The following CDH13 variants were observed in gnomAD, a reference collection of about 807,000 sequenced individuals.
The protein encoded by CDH13 is cadherin-13.
In CDH13, 24 loss-of-function variants were observed where a neutral mutation model predicts 63.8. The observed-to-expected ratio is 0.38, with a 90% CI of 0.27 to 0.53. The LOEUF (loss-of-function observed/expected upper bound fraction) is 0.53. Among genes scored for constraint, CDH13 ranks in the 20% least tolerant of loss-of-function variants. CDH13 has a pLI of 0.85. For synonymous variants in CDH13, 503 were observed against 355.3 expected, an observed-to-expected ratio of 1.42 and a Z score of -4.67; for missense variants, 1,049 against 903.1, an observed-to-expected ratio of 1.16 and a Z score of -2.07.
At chr16:83,175,988 C>T (rs1162757214) in intron 4 of CDH13, among the ~76,000 whole-genome samples, 1 of 151,540 alleles carries the variant, frequency 6.6e-6, no homozygotes, top group Non-Finnish European at 1.5e-5. Context: ...GCCACAATGC[C>T]TGGCTAATTT....
chr16:82,976,709 T>C (rs1288259192), intron 2 of CDH13, among the ~76,000 whole-genome samples: 3 of 152,134 alleles, frequency 2.0e-5, no homozygotes, highest in African/African-American at 7.2e-5. Context: ...AATAGGGCTG[T>C]TGAGTTTCTT....
chr16:83,430,882 A>C (rs1052106607), intron 6 of CDH13, among the ~76,000 whole-genome samples: 1 of 151,942 alleles, frequency 6.6e-6, no homozygotes, highest in East Asian at 1.9e-4. Flanking sequence ...TTAGTTACAT[A>C]TGTATGCATG....
At chr16:83,288,589 C>T (rs1385446357) in intron 5 of CDH13, among the ~76,000 whole-genome samples, 3 of 152,210 alleles carry the variant, frequency 2.0e-5, no homozygotes, top group African/African-American at 7.2e-5. Context: ...CAGGCAGGAC[C>T]TCTCTGCGGT....
intron 1 of CDH13, among the ~76,000 whole-genome samples, chr16:82,850,061 CA>C (rs1378910630): frequency 6.6e-6 from 1 of 152,140 alleles, no homozygotes; most frequent in Admixed American, 6.5e-5. Flanking sequence ...CCCGTGAATC[CA>C]GAAGAAATAT....
rs571381420 is a variant in CDH13 at position 82,872,814 on chromosome 16, G to C, written c.157+14341G>C. Among the ~76,000 whole-genome samples, 13 of 152,294 alleles carry C rather than the reference G, an allele frequency of 8.5e-5. No individual in the cohort carries two copies. The East Asian group carries it at 2.3e-3, about 27-fold the overall frequency. ...ATATTGAGTCCCTACCACTCATTTA[G>C]CCAACTATAGAAGAAACACTGAATG... On this transcript the variant is annotated intron_variant, in intron 2 of 13. Coordinates refer to ENST00000567109, the MANE Select transcript of CDH13 (RefSeq NM_001257.5).
intron 8 of CDH13, among the ~76,000 whole-genome samples, chr16:83,662,948 T>G (rs1229071652): frequency 4.6e-5 from 7 of 152,204 alleles, no homozygotes; most frequent in Admixed American, 4.6e-4. Context: ...TTGTCTTTTG[T>G]CTTTGAGTCC....
At chr16:83,347,366 G>GGGGGTA (rs2090861779) in intron 6 of CDH13, among the ~76,000 whole-genome samples, 1 of 149,862 alleles carries the variant, frequency 6.7e-6, no homozygotes, top group African/African-American at 2.5e-5. Context: ...GGGTTTGGGT[G>GGGGGTA]GGGGTAGGGG....
chr16:82,745,461 G>T (rs960496157), intron 1 of CDH13, among the ~76,000 whole-genome samples: 3 of 152,046 alleles, frequency 2.0e-5, no homozygotes, highest in Non-Finnish European at 4.4e-5. Context: ...AAAATTAGCC[G>T]GGCATGGTGG....
intron 4 of CDH13, among the ~76,000 whole-genome samples, chr16:83,169,957 G>A (rs1312622885): frequency 6.6e-6 from 1 of 151,950 alleles, no homozygotes; most frequent in African/African-American, 2.4e-5. Context: ...TTCGATGTAT[G>A]GTTTAATGTG....
At chr16:82,857,549 C>G (rs945731152) in intron 1 of CDH13, among the ~76,000 whole-genome samples, 1 of 152,164 alleles carries the variant, frequency 6.6e-6, no homozygotes, top group Non-Finnish European at 1.5e-5. Flanking sequence ...ACATTATGTT[C>G]CAAATCACGT....
intron 1 of CDH13, among the ~76,000 whole-genome samples, chr16:82,814,732 G>A (rs1483979602): frequency 6.6e-6 from 1 of 152,042 alleles, no homozygotes; most frequent in African/African-American, 2.4e-5. Context: ...CAAATTAATA[G>A]AAGTCAAAGA....
At chr16:83,156,215 C>T (rs1183078252) in intron 4 of CDH13, among the ~76,000 whole-genome samples, 1 of 152,158 alleles carries the variant, frequency 6.6e-6, no homozygotes, top group Non-Finnish European at 1.5e-5. Context: ...TCAGTACACA[C>T]CATAATGCAT....
chr16:83,619,531 CT>C (rs1177860868), intron 8 of CDH13, among the ~76,000 whole-genome samples: 1 of 152,226 alleles, frequency 6.6e-6, no homozygotes, highest in African/African-American at 2.4e-5. Context: ...GGGTTGGTTC[CT>C]TTGGAGGCTG....
chr16:83,382,089 T>C (rs910619011), intron 6 of CDH13, among the ~76,000 whole-genome samples: 5 of 152,142 alleles, frequency 3.3e-5, no homozygotes, highest in Admixed American at 6.5e-5. Context: ...CAGCTACTTA[T>C]TGTGTGGTTG....
At chr16:83,143,541 G>A (rs2036623666) in intron 4 of CDH13, among the ~76,000 whole-genome samples, 1 of 152,148 alleles carries the variant, frequency 6.6e-6, no homozygotes, top group Non-Finnish European at 1.5e-5. Flanking sequence ...TACTTGGATA[G>A]CAATATTTTG....
chr16:83,078,526 G>T (rs1267329838), intron 3 of CDH13, among the ~76,000 whole-genome samples: 2 of 152,188 alleles, frequency 1.3e-5, no homozygotes, highest in Non-Finnish European at 2.9e-5. Context: ...GTGGAGCTCA[G>T]GCAGTAATGC....
intron 1 of CDH13, among the ~76,000 whole-genome samples, chr16:82,676,873 T>TTTGTTTTGTTTTGTC (rs1477615605): frequency 7.1e-6 from 1 of 141,374 alleles, no homozygotes; most frequent in Non-Finnish European, 1.5e-5. Flanking sequence ...TTCTTTGTTT[T>TTTGTTTTGTTTTGTC]TTGTTTTGTT....
chr16:83,613,073 T>C (rs978980925), intron 8 of CDH13, among the ~76,000 whole-genome samples: 1 of 152,234 alleles, frequency 6.6e-6, no homozygotes, highest in Non-Finnish European at 1.5e-5. Flanking sequence ...GGTAAAATCT[T>C]GGTTGCCAGT....
chr16:82,963,197 C>T (rs1907285790), intron 2 of CDH13, among the ~76,000 whole-genome samples: 4 of 148,566 alleles, frequency 2.7e-5, no homozygotes, highest in Admixed American at 2.7e-4. Flanking sequence ...ATGGTGAAAC[C>T]CCATCTCTAC....
Sources: gnomAD v4.1 joint callset for allele counts (sites outside exome capture counted in the v4.1 genomes callset) on GRCh38, gnomAD v4.1.1 for gene constraint, MANE v1.5 for transcripts, NCBI Gene and HGNC (gene_info 2026-07-23, HGNC 2026-07-21) for gene names.